WFDC2: variants seen among roughly 807,000 people sequenced by gnomAD.
WFDC2 encodes WAP four-disulfide core domain protein 2.
In WFDC2, 8 loss-of-function variants were observed where a neutral mutation model predicts 12.5. That is an observed-to-expected ratio of 0.64 (90% CI 0.37 to 1.15). WFDC2 has a LOEUF of 1.15. Ranked by LOEUF, WFDC2 falls within the 50% of genes most tolerant of loss-of-function variation. WFDC2 has a pLI of 0.01. For missense variants in WFDC2, 166 were observed against 159.9 expected, an observed-to-expected ratio of 1.04 and a Z score of -0.21; for synonymous variants, 74 against 67.2, an observed-to-expected ratio of 1.10 and a Z score of -0.49.
At chr20:45,476,887 T>A (rs1381596906) in intron 2 of WFDC2, among the ~76,000 whole-genome samples, 1 of 152,026 alleles carries the variant, frequency 6.6e-6, no homozygotes, top group Non-Finnish European at 1.5e-5. Flanking sequence ...TTCATTATTT[T>A]TTCTCTAATC....
intron 3 of WFDC2, 39 bp downstream of exon 3, chr20:45,480,133 G>T: frequency 1.2e-6 from 2 of 1,608,660 alleles, no homozygotes; most frequent in Non-Finnish European, 1.7e-6. Flanking sequence ...TGATGGCCAG[G>T]TGTTGTGGGA....
At chr20:45,480,928 C>T (rs959479242) in intron 3 of WFDC2, among the ~76,000 whole-genome samples, 2 of 144,804 alleles carry the variant, frequency 1.4e-5, no homozygotes, top group Admixed American at 7.2e-5. Context: ...CTTACCTAAC[C>T]TTCTCACCTC....
At chr20:45,471,817 G>A (rs1991176140) in intron 2 of WFDC2, among the ~76,000 whole-genome samples, 1 of 152,156 alleles carries the variant, frequency 6.6e-6, no homozygotes, top group Non-Finnish European at 1.5e-5. Flanking sequence ...GCAGCCTGGA[G>A]GTTTGAATCC....
rs767535756 is a variant in WFDC2, at chr20:45,470,453, G to A, written c.144G>A (p.Glu48=). The A allele has an allele frequency of 3.1e-6, 5 of 1,595,330 alleles. No individual in the cohort carries two copies. Among genetic ancestry groups the A allele is most frequent in the Non-Finnish European group, 4.3e-6 (5 of 1,170,256 alleles). ...ELQADQNCTQ[E]CVSDSECADN... The stretch of plus-strand genomic sequence containing the variant: ...AGGCTGACCAGAACTGCACGCAAGA[G>A]TGCGTCTCGGACAGCGAATGCGCCG... Residue 48 remains glutamate (E), a synonymous_variant, in exon 2 of 4, where the codon GAG becomes GAA. Coordinates refer to ENST00000372676, the MANE Select transcript of WFDC2 (RefSeq NM_006103.4). This position sits in a 1 kb window ranked among gnomAD's most constrained non-coding sequence, Gnocchi z 5.4.
Position 45,469,758 on chromosome 20 carries a change from T to C in WFDC2, c.-24T>C. On this transcript the variant is annotated 5_prime_UTR_variant, in exon 1 of 4. Transcript: ENST00000372676. ...CCGCACCTGAGCATCGGCTCACACC[T>C]GCACCCCGCCCGGGCATAGCACCAT... The C allele has an allele frequency of 7.2e-7, 1 of 1,385,526 alleles. No homozygotes were observed. Among genetic ancestry groups the C allele is most frequent in the Non-Finnish European group, 9.6e-7 (1 of 1,038,866 alleles). 85.8% of individuals were successfully genotyped at this position (1,385,526 alleles called of 1,614,324 possible).
Position 45,470,605 on chromosome 20 carries a change from T to G in WFDC2, c.223+73T>G. The G allele has an allele frequency of 1.3e-6, 2 of 1,483,616 alleles. No individual in the cohort carries two copies. Among genetic ancestry groups the G allele is most frequent in the Admixed American group, 4.7e-5 (2 of 42,910 alleles). 91.9% of individuals were successfully genotyped at this position (1,483,616 alleles called of 1,614,324 possible). On this transcript the variant is annotated intron_variant, in intron 2 of 3. Transcript: ENST00000372676. The surrounding 1 kb of genome is among the most constrained non-coding windows in gnomAD (Gnocchi z 5.4). ...TGGGAGGAGGTGGGAGGGCCCGGGT[T>G]CCGGGAACAGGGGCGCCCCCGGACC...
intron 2 of WFDC2, among the ~76,000 whole-genome samples, chr20:45,473,029 T>C (rs1426084721): frequency 6.6e-6 from 1 of 152,044 alleles, no homozygotes; most frequent in Non-Finnish European, 1.5e-5. Context: ...CACGTTCTAA[T>C]GGGGTTTTTT....
chr20:45,473,542 A>C (rs903763022), intron 2 of WFDC2, among the ~76,000 whole-genome samples: 1 of 152,064 alleles, frequency 6.6e-6, no homozygotes, highest in Non-Finnish European at 1.5e-5. Flanking sequence ...GTTGGTCTAT[A>C]TATCTGTTTT....
At chr20:45,473,167 C>G (rs999765820) in intron 2 of WFDC2, among the ~76,000 whole-genome samples, 6 of 152,190 alleles carry the variant, frequency 3.9e-5, no homozygotes, top group African/African-American at 1.4e-4. Flanking sequence ...TTTTGCTGTG[C>G]AGAAGCTCTG....
At chr20:45,476,761 A>G (rs1250391938) in intron 2 of WFDC2, among the ~76,000 whole-genome samples, 4 of 152,172 alleles carry the variant, frequency 2.6e-5, no homozygotes, top group Non-Finnish European at 5.9e-5. Context: ...TATCCTGAAC[A>G]GTGTTTTCCA....
At chr20:45,479,339 T>C (rs1231352362) in intron 2 of WFDC2, 5 of 396,712 alleles carry the variant, frequency 1.3e-5, no homozygotes, top group Non-Finnish European at 2.3e-5. Flanking sequence ...GCTAGATTTC[T>C]TGGGGTTCAA....
At chr20:45,479,373 C>A in intron 2 of WFDC2, 2 of 465,486 alleles carry the variant, frequency 4.3e-6, no homozygotes, top group Non-Finnish European at 7.7e-6. Flanking sequence ...TCTGTGTGAC[C>A]TTAGGCAAAT....
intron 3 of WFDC2, among the ~76,000 whole-genome samples, chr20:45,480,574 G>A (rs1402237276): frequency 6.6e-5 from 10 of 152,078 alleles, no homozygotes; most frequent in South Asian, 2.1e-4. Flanking sequence ...CTGAGATCAC[G>A]CCATTGCACT....
chr20:45,471,093 G>T, intron 2 of WFDC2: 1 of 469,782 alleles, frequency 2.1e-6, no homozygotes. Context: ...CTTGCCCAAG[G>T]TCACACCGCC....
chr20:45,475,598 ATGTGGTCAG>A (rs1230378664), intron 2 of WFDC2, among the ~76,000 whole-genome samples: 2 of 152,188 alleles, frequency 1.3e-5, no homozygotes, highest in East Asian at 1.9e-4. Flanking sequence ...ACTTCCAATT[ATGTGGTCAG>A]TTTTAGAATA....
Position 45,470,384 on chromosome 20 carries a change from C to A in WFDC2, c.80-5C>A, listed in dbSNP as rs1991152010. 6.3e-6 allele frequency: 10 copies of A among 1,580,806 alleles called. No homozygotes were observed. In the East Asian group the frequency reaches 2.3e-4, roughly 37 times the overall value. On this transcript the variant is annotated splice_region_variant and splice_polypyrimidine_tract_variant and intron_variant, in intron 1 of 3. Transcript: ENST00000372676. The surrounding 1 kb of genome is among the most constrained non-coding windows in gnomAD (Gnocchi z 5.4). ...CCCTCGACTGTCCCGGGCCTCCCCT[C>A]CCAGGCACAGGAGCAGAGAAGACTG...
intron 2 of WFDC2, among the ~76,000 whole-genome samples, chr20:45,475,331 T>G (rs1453234405): frequency 6.6e-6 from 1 of 152,208 alleles, no homozygotes; most frequent in Non-Finnish European, 1.5e-5. Context: ...ATAAATTTCC[T>G]TCTAAGCACT....
At chr20:45,479,907 T>C in intron 2 of WFDC2, 35 bp from the exon 3 acceptor site, 1 of 1,614,100 alleles carries the variant, frequency 6.2e-7, no homozygotes, top group Non-Finnish European at 8.5e-7. Flanking sequence ...CTGTATCGCC[T>C]CTGCCCACTT....
chr20:45,470,285 A>G lies in WFDC2; in HGVS notation c.80-104A>G. ...GGGCTGTAAGGGGACTCCTAGGGCC[A>G]GAGACTGAGAATTCCTTGGGGTTAA... is the stretch of plus-strand genomic sequence containing the variant. On this transcript the variant is annotated intron_variant, in intron 1 of 3. Coordinates refer to ENST00000372676, the MANE Select transcript of WFDC2 (RefSeq NM_006103.4). The surrounding 1 kb of genome is among the most constrained non-coding windows in gnomAD (Gnocchi z 5.4). The G allele has an allele frequency of 6.9e-7, 1 of 1,448,542 alleles. No homozygotes were observed. Among genetic ancestry groups the G allele is most frequent in the Non-Finnish European group, 9.2e-7 (1 of 1,092,408 alleles). 89.7% of individuals were successfully genotyped at this position (1,448,542 alleles called of 1,614,324 possible).
Sources: allele counts gnomAD v4.1 joint callset (sites outside exome capture counted in the v4.1 genomes callset), GRCh38; gene constraint gnomAD v4.1.1; non-coding constraint Gnocchi (gnomAD v3.1); transcripts MANE v1.5; gene names NCBI Gene and HGNC (gene_info 2026-07-23, HGNC 2026-07-21).